The following RHBDF2 variants were observed in gnomAD, a reference collection of about 807,000 sequenced individuals.
RHBDF2 encodes inactive rhomboid protein 2.
In RHBDF2, 38 loss-of-function variants were observed where a neutral mutation model predicts 95.2. The ratio of observed to expected loss-of-function variants is 0.40; its 90% CI spans 0.31 to 0.52. The LOEUF (loss-of-function observed/expected upper bound fraction) is 0.52, where lower values mean the gene tolerates loss of function less well. Ranked by LOEUF, RHBDF2 falls within the 20% of genes least tolerant of loss-of-function variation. The probability of loss-of-function intolerance (pLI) is 0.56; values close to 1 mark genes in which losing one functional copy is unlikely to be tolerated. For synonymous variants in RHBDF2, 442 were observed against 462.0 expected, an observed-to-expected ratio of 0.96 and a Z score of 0.55; for missense variants, 863 against 1,137.7, an observed-to-expected ratio of 0.76 and a Z score of 3.47.
chr17:76,493,508 G>A (rs567192652), intron 1 of RHBDF2, among the ~76,000 whole-genome samples: 7 of 148,884 alleles, frequency 4.7e-5, no homozygotes, highest in African/African-American at 1.5e-4. Context: ...GGGGGCCTGG[G>A]GGCAGAATTT....
chr17:76,476,908 C>T lies in RHBDF2; in HGVS notation c.1037G>A (p.Gly346Asp). The change falls in exon 9 of 19, where the codon GGC (glycine) becomes GAC (aspartate). Residue 346 changes from glycine to aspartate, a missense_variant. By Grantham distance (94) the Gly-to-Asp change is moderately conservative (BLOSUM62 -1). This residue lies in a region of RHBDF2 where 611 missense variants were observed against 725.5 expected (regional missense o/e 0.84). Coordinates refer to ENST00000675367, the MANE Select transcript of RHBDF2 (RefSeq NM_001005498.4). Reference protein sequence around the residue: ...KKRHYGLGVVGNWLNRSYRRS... With the variant: ...KKRHYGLGVVDNWLNRSYRRS... ...GCGGTAGCTGCGGTTCAGCCAGTTG[C>T]CCACCACGCCGAGGCCGTAGTGCCG... 1 of 1,613,580 alleles carries T rather than the reference C, an allele frequency of 6.2e-7. No individual in the cohort carries two copies. Among genetic ancestry groups the T allele is most frequent in the Non-Finnish European group, 8.5e-7 (1 of 1,179,924 alleles).
chr17:76,498,761 G>T (rs562042731), intron 1 of RHBDF2, among the ~76,000 whole-genome samples: 7 of 151,210 alleles, frequency 4.6e-5, no homozygotes, highest in African/African-American at 1.7e-4. Flanking sequence ...AGGAACAAAA[G>T]TCCCCCTCCT....
Position 76,476,846 on chromosome 17 carries a change from T to G in RHBDF2, c.1099A>C (p.Ser367Arg). Reference sequence around the variant, plus strand: ...ACACCTCACCGGTGGCTGTCGAAGCTCTCCAGCTGCCGCTGCACAGTGCTG... The same window carrying G: ...ACACCTCACCGGTGGCTGTCGAAGCGCTCCAGCTGCCGCTGCACAGTGCTG... ...ISSTVQRQLE[S>R]FDSHRPYFTY... is the part of the protein sequence containing the mutation. The change falls in exon 9 of 19, where the codon AGC becomes CGC. Residue 367 changes from serine to arginine, a missense_variant. Physicochemically the swap from Ser to Arg is moderately radical, Grantham distance 110 (BLOSUM62 -1). Around this residue, in one of 2 missense-constraint regions of RHBDF2, gnomAD observed 611 missense variants for 725.5 expected, o/e 0.84. Coordinates refer to ENST00000675367, the MANE Select transcript of RHBDF2 (RefSeq NM_001005498.4). The G allele has an allele frequency of 6.2e-7, 1 of 1,608,058 alleles. No homozygotes were observed. Among genetic ancestry groups the G allele is most frequent in the Non-Finnish European group, 8.5e-7 (1 of 1,178,222 alleles).
chr17:76,472,857 C>A lies in RHBDF2; in HGVS notation c.1911-18G>T, dbSNP rs1360412957. On this transcript the variant is annotated intron_variant, in intron 17 of 18. Coordinates refer to ENST00000675367, the MANE Select transcript of RHBDF2 (RefSeq NM_001005498.4). ...GCACCACGCTGGGGGAGGGACACAC[C>A]AGGCAGCGGCCTTCAGCCAGGCACT... 6.3e-7 allele frequency: 1 copy of A among 1,578,008 alleles called. No individual in the cohort carries two copies. Among genetic ancestry groups the A allele is most frequent in the Non-Finnish European group, 8.6e-7 (1 of 1,160,734 alleles).
rs1316760827 is a variant in RHBDF2 at position 76,501,408 on chromosome 17, T to A, written c.-275A>T. ...ACTCCGTGCGGCGCCTGCGAGCGGCTGGGCGGTGGCTCCTCGGGGGCGGGG... is the reference window on the plus strand; with the variant it reads ...ACTCCGTGCGGCGCCTGCGAGCGGCAGGGCGGTGGCTCCTCGGGGGCGGGG... On this transcript the variant is annotated 5_prime_UTR_variant, in exon 1 of 19. Transcript: ENST00000675367. The A allele has an allele frequency of 6.6e-6, 1 of 152,438 alleles. No homozygotes were observed. Among genetic ancestry groups the A allele is most frequent in the Non-Finnish European group, 1.5e-5 (1 of 68,148 alleles). 9.4% of individuals were successfully genotyped at this position (152,438 alleles called of 1,614,324 possible). A position where few individuals can be genotyped will look rare whatever the true frequency, so the allele number is the denominator to read the frequency against.
intron 6 of RHBDF2, 43 bp downstream of exon 6, chr17:76,478,763 A>G: frequency 6.5e-7 from 1 of 1,535,422 alleles, no homozygotes; most frequent in Non-Finnish European, 8.9e-7. Context: ...CAAGGAAGGG[A>G]GGCCGGGCAG....
intron 1 of RHBDF2, among the ~76,000 whole-genome samples, chr17:76,499,975 G>T (rs777586898): frequency 5.3e-5 from 8 of 152,050 alleles, no homozygotes; most frequent in African/African-American, 1.9e-4. Context: ...TGGGAAAGGC[G>T]GTGTCTCATG....
chr17:76,494,816 C>T (rs1598171046), intron 1 of RHBDF2, among the ~76,000 whole-genome samples: 1 of 152,116 alleles, frequency 6.6e-6, no homozygotes, highest in Non-Finnish European at 1.5e-5. Context: ...AGCAGCTGGG[C>T]GGGGATGCAG....
At chr17:76,482,630 A>G (rs536868351) in intron 2 of RHBDF2, among the ~76,000 whole-genome samples, 1 of 152,266 alleles carries the variant, frequency 6.6e-6, no homozygotes, top group East Asian at 1.9e-4. Context: ...AAAATTAGCC[A>G]GGTGTGGTGG....
At chr17:76,493,818 C>A (rs2074369247) in intron 1 of RHBDF2, among the ~76,000 whole-genome samples, 1 of 152,230 alleles carries the variant, frequency 6.6e-6, no homozygotes, top group Non-Finnish European at 1.5e-5. Flanking sequence ...TCACACAGCT[C>A]CCCAGACATC....
chr17:76,471,303 CT>C lies in RHBDF2; in HGVS notation c.*329del. On this transcript the variant is annotated 3_prime_UTR_variant, in exon 19 of 19. Transcript: ENST00000675367. ...CACCAGCAGAGGCAGCGCTGAGGAC[CT>C]GGGAAGAAAAGGACCCTGCCCCAGG... 1 of 298,752 alleles carries C rather than the reference CT, an allele frequency of 3.3e-6. No homozygotes were observed. 18.5% of individuals were successfully genotyped at this position (298,752 alleles called of 1,614,324 possible). A position where few individuals can be genotyped will look rare whatever the true frequency, so the allele number is the denominator to read the frequency against.
chr17:76,474,164 G>A, intron 12 of RHBDF2, 22 bp from the exon 13 acceptor site: 1 of 1,530,254 alleles, frequency 6.5e-7, no homozygotes, highest in Non-Finnish European at 8.8e-7. Flanking sequence ...AAGAAGGCTG[G>A]TGGGTCATGT....
chr17:76,474,902 G>A, intron 10 of RHBDF2, 98 bp from the exon 11 acceptor site: 1 of 1,542,636 alleles, frequency 6.5e-7, no homozygotes, highest in Non-Finnish European at 8.9e-7. Flanking sequence ...CTCCAGGAAG[G>A]GGCCAGGCTA....
In RHBDF2 at chr17:76,472,879, C is replaced by T. The variant is rs942105368; in HGVS notation, c.1911-40G>A. 8 of 1,576,262 alleles carry T rather than the reference C, an allele frequency of 5.1e-6. No individual in the cohort carries two copies. In the African/African-American group the frequency reaches 6.7e-5, roughly 13 times the overall value. ...CACCAGGCAGCGGCCTTCAGCCAGG[C>T]ACTTCAGGAGCAGTAGGCTTCGGCA... On this transcript the variant is annotated intron_variant, in intron 17 of 18. Transcript: ENST00000675367.
At chr17:76,483,984 G>A (rs111619049) in intron 2 of RHBDF2, among the ~76,000 whole-genome samples, 4 of 151,932 alleles carry the variant, frequency 2.6e-5, no homozygotes, top group African/African-American at 7.3e-5. Context: ...AGCTGTGGCC[G>A]GGCGCGGTGG....
intron 17 of RHBDF2, 51 bp downstream of exon 17, chr17:76,472,954 C>CT (rs1253332683): frequency 6.2e-7 from 1 of 1,604,192 alleles, no homozygotes; most frequent in Non-Finnish European, 8.5e-7. Context: ...AGGGGTCCGG[C>CT]TGGGTGGCCA....
At chr17:76,493,676 C>T (rs1598168537) in intron 1 of RHBDF2, among the ~76,000 whole-genome samples, 1 of 152,166 alleles carries the variant, frequency 6.6e-6, no homozygotes, top group African/African-American at 2.4e-5. Context: ...GCCACTCTCC[C>T]TCCCTCTCAG....
chr17:76,480,527 G>A (rs2073933496), intron 3 of RHBDF2, among the ~76,000 whole-genome samples: 1 of 151,974 alleles, frequency 6.6e-6, no homozygotes, highest in South Asian at 2.1e-4. Context: ...TGGGATTACA[G>A]GCATGTGCCA....
At chr17:76,477,399 C>A (rs1251106817) in intron 7 of RHBDF2, 101 bp from the exon 8 acceptor site, 1 of 1,399,510 alleles carries the variant, frequency 7.1e-7, no homozygotes, top group Non-Finnish European at 9.7e-7. Flanking sequence ...CAGACGGGCT[C>A]TTCACAATGA....
Sources: gnomAD v4.1 joint callset for allele counts (sites outside exome capture counted in the v4.1 genomes callset) on GRCh38, gnomAD v4.1.1 for gene constraint, gnomAD v4.1.1 regional missense constraint, MANE v1.5 for transcripts, NCBI Gene and HGNC (gene_info 2026-07-23, HGNC 2026-07-21) for gene names.